The following VAMP4 variants were observed in gnomAD, a reference collection of about 807,000 sequenced individuals.
The protein encoded by VAMP4 is vesicle-associated membrane protein 4.
VAMP4 carries 19 observed loss-of-function variants against 23.5 expected under a neutral mutation model. The ratio of observed to expected loss-of-function variants is 0.81; its 90% confidence interval spans 0.56 to 1.19. VAMP4 has a LOEUF of 1.19. Among genes scored for constraint, VAMP4 ranks in the 50% most tolerant of loss-of-function variants. The pLI is 0.00. For missense variants in VAMP4, 145 were observed against 168.6 expected (o/e 0.86, Z 0.78); for synonymous variants, 31 against 51.0 (o/e 0.61, Z 1.67).
At chr1:171,707,924 G>A (rs1232193224) in intron 6 of VAMP4, among the ~76,000 whole-genome samples, 1 of 152,104 alleles carries the variant, frequency 6.6e-6, no homozygotes, top group Admixed American at 6.6e-5. Flanking sequence ...GGGTACATGA[G>A]TTTGGGAGAG....
Position 171,704,489 on chromosome 1 carries a change from A to C in VAMP4, c.*17T>G. 6.4e-7 allele frequency: 1 copy of C among 1,573,780 alleles called. No homozygotes were observed. The highest frequency in any genetic ancestry group is 2.3e-5 in the East Asian group (1 of 43,040). On this transcript the variant is annotated 3_prime_UTR_variant, in exon 8 of 8. Transcript: ENST00000236192. ...TACTGTCCCAGATCTTGTTTAATGA[A>C]GATCTCTGTCATCAAATCAAGTACG...
At chr1:171,721,287 T>C (rs1279766283) in intron 3 of VAMP4, among the ~76,000 whole-genome samples, 1 of 152,076 alleles carries the variant, frequency 6.6e-6, no homozygotes, top group African/African-American at 2.4e-5. Flanking sequence ...TACTCAATAT[T>C]GTGCTGGATG....
rs540759026 is a variant in VAMP4, at chr1:171,719,077, G to T, written c.164+94C>A. On this transcript the variant is annotated intron_variant, in intron 4 of 7. Transcript: ENST00000236192. ...CAATAAAACTTTATTTACAAAAACA[G>T]GCTGCAGCCAGATTTGGCTCACAGG... is the stretch of plus-strand genomic sequence containing the variant. 6.1e-5 allele frequency: 65 copies of T among 1,061,500 alleles called. No individual in the cohort carries two copies. In the South Asian group the frequency reaches 9.7e-4, roughly 16 times the overall value. The allele number at this position is 1,061,500 out of a possible 1,614,324, so 65.8% of individuals were successfully genotyped here. A position where few individuals can be genotyped will look rare whatever the true frequency, so the allele number is the denominator to read the frequency against.
intron 3 of VAMP4, among the ~76,000 whole-genome samples, chr1:171,722,858 G>A (rs1403301247): frequency 6.6e-6 from 1 of 152,080 alleles, no homozygotes; most frequent in Non-Finnish European, 1.5e-5. Flanking sequence ...GATTCCTCAG[G>A]GATCTAGAAC....
At chr1:171,711,354 T>C (rs550769263) in intron 4 of VAMP4, among the ~76,000 whole-genome samples, 2 of 152,236 alleles carry the variant, frequency 1.3e-5, no homozygotes, top group East Asian at 3.9e-4. Context: ...TGATGCTCAA[T>C]GGGTAGAATT....
At chr1:171,737,609 T>C (rs1655785244) in intron 2 of VAMP4, among the ~76,000 whole-genome samples, 1 of 152,218 alleles carries the variant, frequency 6.6e-6, no homozygotes, top group South Asian at 2.1e-4. Flanking sequence ...GTTAGCTAGT[T>C]TATTTACACA....
chr1:171,733,801 T>C (rs770242713), intron 2 of VAMP4, among the ~76,000 whole-genome samples: 1 of 152,176 alleles, frequency 6.6e-6, no homozygotes, highest in African/African-American at 2.4e-5. Flanking sequence ...AGAGAGTTAC[T>C]ACAATACTCA....
intron 2 of VAMP4, among the ~76,000 whole-genome samples, chr1:171,729,318 TAA>T (rs1048466752): frequency 1.3e-5 from 2 of 152,188 alleles, no homozygotes; most frequent in Non-Finnish European, 2.9e-5. Context: ...TGCATATATA[TAA>T]GGAAACATCT....
rs539811295 is a variant in VAMP4 at position 171,702,750 on chromosome 1, A to G, written c.*1756T>C. 1.3e-5 allele frequency: 2 copies of G among 152,060 alleles called. No individual in the cohort carries two copies. Among genetic ancestry groups the G allele is most frequent in the Non-Finnish European group, 2.9e-5 (2 of 67,890 alleles). 9.4% of individuals were successfully genotyped at this position (152,060 alleles called of 1,614,324 possible). On this transcript the variant is annotated 3_prime_UTR_variant, in exon 8 of 8. Coordinates refer to ENST00000236192, the MANE Select transcript of VAMP4 (RefSeq NM_003762.5). Reference sequence around the variant, plus strand: ...AACTTAAAAGATTTATTAGCTGTTCAGATGCTGTTTATATTAATTGACATT... The same window carrying G: ...AACTTAAAAGATTTATTAGCTGTTCGGATGCTGTTTATATTAATTGACATT...
chr1:171,713,589 T>C (rs1334580298), intron 4 of VAMP4, among the ~76,000 whole-genome samples: 2 of 152,094 alleles, frequency 1.3e-5, no homozygotes, highest in African/African-American at 4.8e-5. Context: ...TCTCAACACT[T>C]TGGGAGGCCA....
chr1:171,713,046 A>C (rs1216499346), intron 4 of VAMP4, among the ~76,000 whole-genome samples: 1 of 152,236 alleles, frequency 6.6e-6, no homozygotes, highest in African/African-American at 2.4e-5. Context: ...AGCTCAATGA[A>C]TGCAGTGACC....
intron 3 of VAMP4, among the ~76,000 whole-genome samples, chr1:171,720,988 C>G (rs1228524978): frequency 1.3e-5 from 2 of 152,040 alleles, no homozygotes; most frequent in African/African-American, 4.8e-5. Flanking sequence ...GTTCATATCA[C>G]AAATGCAACG....
chr1:171,714,775 A>C (rs1212208094), intron 4 of VAMP4, among the ~76,000 whole-genome samples: 2 of 152,138 alleles, frequency 1.3e-5, no homozygotes, highest in Non-Finnish European at 2.9e-5. Context: ...GTGTCTAAGA[A>C]AAAAAAAGTT....
chr1:171,729,696 G>A (rs1655497122), intron 2 of VAMP4, among the ~76,000 whole-genome samples: 1 of 152,124 alleles, frequency 6.6e-6, no homozygotes, highest in Non-Finnish European at 1.5e-5. Flanking sequence ...GTCTTGCTCT[G>A]CTGCACAGGC....
At chr1:171,731,214 A>C (rs1393540841) in intron 2 of VAMP4, among the ~76,000 whole-genome samples, 1 of 152,192 alleles carries the variant, frequency 6.6e-6, no homozygotes, top group Non-Finnish European at 1.5e-5. Flanking sequence ...GCAATTGAAC[A>C]ATGAGAACAC....
rs1162041268 is a variant in VAMP4, at chr1:171,701,201, T to C, written c.*3305A>G. The C allele has an allele frequency of 6.6e-6, 1 of 152,188 alleles. No individual in the cohort carries two copies. The highest frequency in any genetic ancestry group is 1.5e-5 in the Non-Finnish European group (1 of 68,016). The allele number at this position is 152,188 out of a possible 1,614,324, so 9.4% of individuals were successfully genotyped here. The stretch of plus-strand genomic sequence containing the variant: ...ATGCTTTCAAACTGACTTATGCTCT[T>C]ACTCTCAACTCACAGAAAAATGGAG... On this transcript the variant is annotated 3_prime_UTR_variant, in exon 8 of 8. Transcript: ENST00000236192.
At chr1:171,737,079 A>G (rs1405922955) in intron 2 of VAMP4, among the ~76,000 whole-genome samples, 1 of 152,182 alleles carries the variant, frequency 6.6e-6, no homozygotes, top group Non-Finnish European at 1.5e-5. Context: ...ACTAAAAGAA[A>G]CTTATGACTA....
intron 4 of VAMP4, 44 bp downstream of exon 4, chr1:171,719,127 A>C (rs1406003225): frequency 6.3e-7 from 1 of 1,579,544 alleles, no homozygotes; most frequent in African/African-American, 1.4e-5. Flanking sequence ...TCTCTAGTCT[A>C]CACAGAAATA....
At chr1:171,710,225 A>G (rs1380153578) in intron 5 of VAMP4, among the ~76,000 whole-genome samples, 1 of 137,578 alleles carries the variant, frequency 7.3e-6, no homozygotes, top group Non-Finnish European at 1.6e-5. Flanking sequence ...AAGATTAATC[A>G]GGTATTCAGC....
Sources: allele counts gnomAD v4.1 joint callset (sites outside exome capture counted in the v4.1 genomes callset), GRCh38; gene constraint gnomAD v4.1.1; transcripts MANE v1.5; gene names NCBI Gene and HGNC (gene_info 2026-07-23, HGNC 2026-07-21).